Variants in ADAMTS12 observed in about 807,000 individuals in gnomAD.
ADAMTS12 encodes the protein A disintegrin and metalloproteinase with thrombospondin motifs 12.
In ADAMTS12, 118 loss-of-function variants were observed where a neutral mutation model predicts 167.8. The ratio of observed to expected loss-of-function variants is 0.70; its 90% CI spans 0.61 to 0.82. The LOEUF is 0.82. Among genes scored for constraint, ADAMTS12 ranks in the 40% least tolerant of loss-of-function variants. The probability of loss-of-function intolerance (pLI) is 0.00; values close to 1 mark genes in which losing one functional copy is unlikely to be tolerated. For missense variants in ADAMTS12, 1,916 were observed against 1,998.8 expected (o/e 0.96, Z 0.79); for synonymous variants, 704 against 716.9 (o/e 0.98, Z 0.29).
chr5:33,570,973 C>A (rs1242202601), intron 19 of ADAMTS12, among the ~76,000 whole-genome samples: 1 of 151,198 alleles, frequency 6.6e-6, no homozygotes, highest in African/African-American at 2.4e-5. Flanking sequence ...AGACTTTAAA[C>A]CAACAAAGAT....
intron 3 of ADAMTS12, among the ~76,000 whole-genome samples, chr5:33,694,342 G>A (rs900278613): frequency 3.9e-5 from 6 of 152,176 alleles, no homozygotes; most frequent in Non-Finnish European, 7.3e-5. Context: ...CCTCTAGTAA[G>A]AGCAATCACA....
chr5:33,670,361 A>G (rs1344544893), intron 5 of ADAMTS12, among the ~76,000 whole-genome samples: 1 of 152,220 alleles, frequency 6.6e-6, no homozygotes, highest in African/African-American at 2.4e-5. Context: ...GCTGGTGAGG[A>G]TGAGGTAAAA....
intron 20 of ADAMTS12, among the ~76,000 whole-genome samples, chr5:33,553,808 C>A (rs1328170019): frequency 6.6e-6 from 1 of 152,054 alleles, no homozygotes; most frequent in Non-Finnish European, 1.5e-5. Flanking sequence ...TACCAGAAAC[C>A]CCTATGACAC....
intron 3 of ADAMTS12, among the ~76,000 whole-genome samples, chr5:33,730,292 GTGTGTGT>G (rs1744143915): frequency 7.1e-6 from 1 of 141,666 alleles, no homozygotes; most frequent in Admixed American, 6.8e-5. Flanking sequence ...CCATTAGGGT[GTGTGTGT>G]GTGTGTGTGT....
At chr5:33,547,531 G>A (rs1011011856) in intron 21 of ADAMTS12, among the ~76,000 whole-genome samples, 1 of 152,076 alleles carries the variant, frequency 6.6e-6, no homozygotes, top group Non-Finnish European at 1.5e-5. Context: ...TCAGCACCAC[G>A]GGCAAGGAAA....
At chr5:33,861,380 A>G (rs1412323233) in intron 2 of ADAMTS12, among the ~76,000 whole-genome samples, 1 of 152,212 alleles carries the variant, frequency 6.6e-6, no homozygotes, top group Non-Finnish European at 1.5e-5. Context: ...TTGCAATACT[A>G]GTTTCTGATA....
Position 33,611,366 on chromosome 5 carries a change from G to A in ADAMTS12, c.2527+2872C>T, listed in dbSNP as rs1389674229. 2.6e-5 allele frequency among the ~76,000 whole-genome samples: 4 copies of A among 151,038 alleles called. No individual in the cohort carries two copies. In the East Asian group the frequency reaches 5.8e-4, roughly 22 times the overall value. ...TTTTTTTTTTGTCTTTAATAGTAAAGATTGAAACAAAATGGTAAGAGCAAT... is the reference window on the plus strand; with the variant it reads ...TTTTTTTTTTGTCTTTAATAGTAAAAATTGAAACAAAATGGTAAGAGCAAT... On this transcript the variant is annotated intron_variant, in intron 16 of 23. Transcript: ENST00000504830.
At chr5:33,801,347 C>T (rs1747001502) in intron 2 of ADAMTS12, among the ~76,000 whole-genome samples, 2 of 152,206 alleles carry the variant, frequency 1.3e-5, no homozygotes, top group Admixed American at 1.3e-4. Context: ...GCAAATGCTA[C>T]AAATCAGGGC....
chr5:33,792,808 G>A (rs1230869430), intron 2 of ADAMTS12, among the ~76,000 whole-genome samples: 1 of 152,198 alleles, frequency 6.6e-6, no homozygotes, highest in Non-Finnish European at 1.5e-5. Context: ...AGTGTGAGCC[G>A]AACTCCAACT....
At chr5:33,881,577 T>G in intron 1 of ADAMTS12, 97 bp from the exon 2 acceptor site, 1 of 1,420,046 alleles carries the variant, frequency 7.0e-7, no homozygotes, top group Non-Finnish European at 9.4e-7. Context: ...TTTTTTTTTT[T>G]GGAAATGGAG....
intron 2 of ADAMTS12, among the ~76,000 whole-genome samples, chr5:33,788,701 G>A (rs932547665): frequency 8.5e-5 from 13 of 152,206 alleles, no homozygotes; most frequent in African/African-American, 2.4e-4. Context: ...AGAAAGAGAC[G>A]GGCTATTCAA....
chr5:33,570,485 C>A (rs1223035305), intron 19 of ADAMTS12, among the ~76,000 whole-genome samples: 2 of 152,090 alleles, frequency 1.3e-5, no homozygotes, highest in Admixed American at 1.3e-4. Flanking sequence ...AATTTCATAT[C>A]CAGCCAAACT....
chr5:33,661,886 C>A (rs770188733), intron 6 of ADAMTS12, 30 bp downstream of exon 6: 3 of 1,611,980 alleles, frequency 1.9e-6, no homozygotes, highest in Admixed American at 3.3e-5. Context: ...TGCTTTACTG[C>A]CCCTGGGTTT....
At chr5:33,789,972 T>C (rs1746467059) in intron 2 of ADAMTS12, among the ~76,000 whole-genome samples, 1 of 152,230 alleles carries the variant, frequency 6.6e-6, no homozygotes, top group Non-Finnish European at 1.5e-5. Context: ...GACTACACTA[T>C]GAATCCTTAA....
chr5:33,872,207 C>T (rs13436498), intron 2 of ADAMTS12, among the ~76,000 whole-genome samples: 5,481 of 152,130 alleles, frequency 0.036, 338 homozygotes, highest in African/African-American at 0.13. Flanking sequence ...TAACTCATTC[C>T]GTGGGGCCAG....
At chr5:33,531,464 G>T (rs1000299490) in intron 23 of ADAMTS12, among the ~76,000 whole-genome samples, 2 of 152,226 alleles carry the variant, frequency 1.3e-5, no homozygotes, top group African/African-American at 4.8e-5. Flanking sequence ...ATCAATAGAT[G>T]TGGGTGCATG....
At chr5:33,803,336 C>A (rs915395957) in intron 2 of ADAMTS12, among the ~76,000 whole-genome samples, 1 of 152,192 alleles carries the variant, frequency 6.6e-6, no homozygotes, top group African/African-American at 2.4e-5. Flanking sequence ...TAATGAGAAG[C>A]TTACATTTAG....
chr5:33,776,394 A>G (rs1033061506), intron 2 of ADAMTS12, among the ~76,000 whole-genome samples: 3 of 152,220 alleles, frequency 2.0e-5, no homozygotes, highest in Non-Finnish European at 4.4e-5. Context: ...GTGGTATGAA[A>G]CTGGAAATTA....
Position 33,661,967 on chromosome 5 carries a change from G to A in ADAMTS12, c.989C>T (p.Pro330Leu). 1 of 1,613,356 alleles carries A rather than the reference G, an allele frequency of 6.2e-7. No individual in the cohort carries two copies. Residue 330 changes from proline to leucine, a missense_variant, in exon 6 of 24, where the codon CCC becomes CTC. Transcript: ENST00000504830. Reference sequence around the variant, plus strand: ...ATGAACAGGATTGAGGTCACTCTTGGGATTGATACTCTTCTGCCACTTGCA... The same window carrying A: ...ATGAACAGGATTGAGGTCACTCTTGAGATTGATACTCTTCTGCCACTTGCA... ...SFCKWQKSIN[P>L]KSDLNPVHHD...
Sources: allele counts gnomAD v4.1 joint callset (sites outside exome capture counted in the v4.1 genomes callset), GRCh38; gene constraint gnomAD v4.1.1; transcripts MANE v1.5; gene names NCBI Gene and HGNC (gene_info 2026-07-23, HGNC 2026-07-21).